Variants in MDGA2 observed in about 807,000 individuals in gnomAD.
MDGA2 encodes the protein MAM domain containing glycosylphosphatidylinositol anchor 2.
In MDGA2, 40 loss-of-function variants were observed where a neutral mutation model predicts 117.8. The ratio of observed to expected loss-of-function variants is 0.34; its 90% CI spans 0.26 to 0.44. The LOEUF is 0.44. Among genes scored for constraint, MDGA2 ranks in the 20% least tolerant of loss-of-function variants. The pLI is 1.00. For synonymous variants in MDGA2, 452 were observed against 439.0 expected, an observed-to-expected ratio of 1.03 and a Z score of -0.37; for missense variants, 1,123 against 1,250.6, an observed-to-expected ratio of 0.90 and a Z score of 1.54.
intron 14 of MDGA2, among the ~76,000 whole-genome samples, chr14:46,861,916 G>C (rs557329649): frequency 1.3e-5 from 2 of 151,960 alleles, no homozygotes; most frequent in African/African-American, 4.8e-5. Context: ...TTGTGAAATA[G>C]AATAAAGCTA....
At chr14:47,079,784 T>C (rs1236862939) in intron 6 of MDGA2, among the ~76,000 whole-genome samples, 3 of 129,030 alleles carry the variant, frequency 2.3e-5, no homozygotes, top group African/African-American at 5.8e-5. Flanking sequence ...CAGGCTGGAG[T>C]GCAGTGGCGC....
At chr14:47,298,670 C>T (rs1272762881) in intron 2 of MDGA2, among the ~76,000 whole-genome samples, 2 of 147,570 alleles carry the variant, frequency 1.4e-5, no homozygotes, top group Non-Finnish European at 3.0e-5. Flanking sequence ...ATGAAGAGGC[C>T]CACTTAATTT....
chr14:47,387,310 TTCTCCACCCACCCCC>T (rs1423302735), intron 1 of MDGA2, among the ~76,000 whole-genome samples: 1 of 152,148 alleles, frequency 6.6e-6, no homozygotes, highest in Admixed American at 6.5e-5. Flanking sequence ...GGTTGGGTTA[TTCTCCACCCACCCCC>T]AAACCCACCC....
intron 1 of MDGA2, among the ~76,000 whole-genome samples, chr14:47,595,557 C>A (rs12586146): frequency 0.93 from 128,518 of 137,766 alleles, 59,838 homozygotes; most frequent in South Asian, 0.96. Flanking sequence ...CAAAAAAAAA[C>A]AAAAAAAAAA....
At chr14:47,213,914 C>T (rs9989211) in intron 3 of MDGA2, among the ~76,000 whole-genome samples, 74,054 of 151,948 alleles carry the variant, frequency 0.49, 18,964 homozygotes, top group Admixed American at 0.64. Flanking sequence ...GAAAGCAAGG[C>T]ACCTTCTTCG....
intron 6 of MDGA2, among the ~76,000 whole-genome samples, chr14:47,068,900 G>C (rs958037337): frequency 1.3e-5 from 2 of 151,950 alleles, no homozygotes; most frequent in Non-Finnish European, 2.9e-5. Context: ...TTTCTGTCTC[G>C]TAAGCGGTGC....
intron 1 of MDGA2, among the ~76,000 whole-genome samples, chr14:47,609,465 A>ATACATATATATATATATATATATATATAC: frequency 9.3e-6 from 1 of 107,386 alleles, no homozygotes; most frequent in East Asian, 2.9e-4. Context: ...ATATATATAT[A>ATACATATATATATATATATATATATATAC]AGTTTCTTTA....
intron 3 of MDGA2, among the ~76,000 whole-genome samples, chr14:47,202,989 T>A (rs1177866470): frequency 6.6e-6 from 1 of 151,672 alleles, no homozygotes; most frequent in Non-Finnish European, 1.5e-5. Context: ...CTAAAAAGAG[T>A]TTCCAATTCT....
chr14:47,317,723 C>G (rs930376994), intron 1 of MDGA2, among the ~76,000 whole-genome samples: 2 of 152,026 alleles, frequency 1.3e-5, no homozygotes, highest in African/African-American at 4.8e-5. Context: ...CTATGCTGCT[C>G]TAGCTTTTTC....
intron 10 of MDGA2, among the ~76,000 whole-genome samples, chr14:46,888,274 A>G (rs140660089): frequency 1.6e-3 from 242 of 152,118 alleles, no homozygotes; most frequent in Non-Finnish European, 3.1e-3. Context: ...GAGATGCAAT[A>G]TTATTCCACT....
chr14:47,300,443 C>G (rs967576525), intron 2 of MDGA2, among the ~76,000 whole-genome samples: 9 of 151,658 alleles, frequency 5.9e-5, no homozygotes, highest in Non-Finnish European at 1.3e-4. Flanking sequence ...ATATTATCTT[C>G]TATATAACTG....
At chr14:47,003,435 C>G (rs1306259179) in intron 8 of MDGA2, among the ~76,000 whole-genome samples, 1 of 151,922 alleles carries the variant, frequency 6.6e-6, no homozygotes, top group Non-Finnish European at 1.5e-5. Context: ...AACAGCAGAG[C>G]ATGTTAAGTT....
At chr14:47,669,923 TG>T (rs1271152763) in intron 1 of MDGA2, among the ~76,000 whole-genome samples, 1 of 152,154 alleles carries the variant, frequency 6.6e-6, no homozygotes, top group Non-Finnish European at 1.5e-5. Context: ...ATCCTGAGAC[TG>T]AATGTAATGG....
chr14:46,940,823 A>T (rs1468367809), intron 9 of MDGA2, among the ~76,000 whole-genome samples: 5 of 152,164 alleles, frequency 3.3e-5, no homozygotes, highest in Non-Finnish European at 5.9e-5. Flanking sequence ...CTGCTGCTGC[A>T]CATGTGGGTG....
At chr14:47,120,565 GA>G (rs1484575127) in intron 5 of MDGA2, among the ~76,000 whole-genome samples, 1 of 151,888 alleles carries the variant, frequency 6.6e-6, no homozygotes. Context: ...TTGTTATCAA[GA>G]AAAAAATAAA....
chr14:47,334,461 G>A (rs73251865), intron 1 of MDGA2, among the ~76,000 whole-genome samples: 6,174 of 151,782 alleles, frequency 0.041, 170 homozygotes, highest in African/African-American at 0.076. Flanking sequence ...CTGAACCTCC[G>A]GAAGCATCAG....
At chr14:47,435,211 C>A (rs974627869) in intron 1 of MDGA2, among the ~76,000 whole-genome samples, 3 of 152,070 alleles carry the variant, frequency 2.0e-5, no homozygotes, top group Admixed American at 6.6e-5. Context: ...CAGTTAGTTA[C>A]CATGCTTAGT....
chr14:47,540,540 G>GTGTGTGTGTGTATATA, intron 1 of MDGA2, among the ~76,000 whole-genome samples: 6 of 79,212 alleles, frequency 7.6e-5, no homozygotes, highest in East Asian at 9.8e-4. Context: ...GTGTGTGTGT[G>GTGTGTGTGTGTATATA]TATATATATA....
intron 14 of MDGA2, among the ~76,000 whole-genome samples, chr14:46,870,080 T>A (rs1881936902): frequency 6.6e-6 from 1 of 151,950 alleles, no homozygotes; most frequent in African/African-American, 2.4e-5. Flanking sequence ...CCACAGCAAC[T>A]GTGAGATAAT....
Sources: allele counts gnomAD v4.1 joint callset (sites outside exome capture counted in the v4.1 genomes callset), GRCh38; gene constraint gnomAD v4.1.1; transcripts MANE v1.5; gene names NCBI Gene and HGNC (gene_info 2026-07-23, HGNC 2026-07-21).